COL23A1: variants seen among roughly 807,000 people sequenced by gnomAD.
COL23A1 encodes collagen alpha-1(XXIII) chain.
Under a neutral mutation model 99.3 loss-of-function variants are expected in COL23A1, and 97 were observed. The observed-to-expected ratio is 0.98, with a 90% CI of 0.83 to 1.16. COL23A1 has a LOEUF of 1.16. COL23A1 is among the 50% of genes most tolerant of loss of function. The probability of loss-of-function intolerance (pLI) is 0.00; values close to 1 mark genes in which losing one functional copy is unlikely to be tolerated. For synonymous variants in COL23A1, 320 were observed against 308.2 expected (o/e 1.04, Z -0.40); for missense variants, 762 against 757.4 (o/e 1.01, Z -0.07).
intron 2 of COL23A1, among the ~76,000 whole-genome samples, chr5:178,407,285 A>T (rs550014105): frequency 3.0e-4 from 45 of 152,310 alleles, no homozygotes; most frequent in African/African-American, 1.1e-3. Context: ...GAAAAGTTGG[A>T]CTTTCACCCT....
chr5:178,536,227 G>C (rs763083754), intron 2 of COL23A1, among the ~76,000 whole-genome samples: 6 of 152,228 alleles, frequency 3.9e-5, no homozygotes, highest in Non-Finnish European at 8.8e-5. Context: ...AGGGGTGCTC[G>C]GGGAGTGTGG....
chr5:178,528,898 C>T (rs890854880), intron 2 of COL23A1, among the ~76,000 whole-genome samples: 2 of 152,228 alleles, frequency 1.3e-5, no homozygotes, highest in East Asian at 1.9e-4. Flanking sequence ...GATTTCTGAT[C>T]CCAGAGTTCT....
chr5:178,371,101 AT>A lies in COL23A1; in HGVS notation c.362-64183del, dbSNP rs1159503162. Among the ~76,000 whole-genome samples the A allele has an allele frequency of 5.3e-5, 8 of 152,142 alleles. 1 individual carries two copies. Among genetic ancestry groups the A allele is most frequent in the Admixed American group, 5.2e-4 (8 of 15,286 alleles). On this transcript the variant is annotated intron_variant, in intron 2 of 28. Coordinates refer to ENST00000390654, the MANE Select transcript of COL23A1 (RefSeq NM_173465.4). Reference sequence around the variant, plus strand: ...CATGAGGTTGACGTCTCTCTCTGCCATGTAGACATGTATCAGAAACATCATG... The same window carrying A: ...CATGAGGTTGACGTCTCTCTCTGCCAGTAGACATGTATCAGAAACATCATG...
intron 2 of COL23A1, among the ~76,000 whole-genome samples, chr5:178,473,890 A>G (rs1196164114): frequency 6.6e-6 from 1 of 152,182 alleles, no homozygotes; most frequent in Non-Finnish European, 1.5e-5. Context: ...ACCAGACCAG[A>G]TTATGAATTT....
At chr5:178,535,712 C>T (rs939247838) in intron 2 of COL23A1, among the ~76,000 whole-genome samples, 2 of 152,264 alleles carry the variant, frequency 1.3e-5, no homozygotes, top group Non-Finnish European at 2.9e-5. Flanking sequence ...TGCATCCTGT[C>T]TGAAGGGCGC....
At chr5:178,573,276 A>G (rs1763195920) in intron 1 of COL23A1, among the ~76,000 whole-genome samples, 1 of 152,232 alleles carries the variant, frequency 6.6e-6, no homozygotes, top group Admixed American at 6.5e-5. Flanking sequence ...GGTGGGTGGT[A>G]GAGTGTGTGT....
intron 2 of COL23A1, among the ~76,000 whole-genome samples, chr5:178,520,194 T>G (rs1271684119): frequency 1.1e-4 from 17 of 152,094 alleles, no homozygotes; most frequent in Admixed American, 1.1e-3. Flanking sequence ...GAAGGATGGA[T>G]GGATGGCTGG....
chr5:178,482,786 C>T (rs958302254), intron 2 of COL23A1, among the ~76,000 whole-genome samples: 4 of 152,162 alleles, frequency 2.6e-5, no homozygotes, highest in African/African-American at 9.7e-5. Context: ...CCTGTAGTCC[C>T]AGCTATTCAG....
At chr5:178,277,097 G>C (rs1433199538) in intron 5 of COL23A1, among the ~76,000 whole-genome samples, 1 of 152,026 alleles carries the variant, frequency 6.6e-6, no homozygotes, top group Admixed American at 6.6e-5. Context: ...TGGGCATAAC[G>C]GCTCATGCCC....
chr5:178,542,994 G>A (rs1761375824), intron 2 of COL23A1, among the ~76,000 whole-genome samples: 1 of 152,200 alleles, frequency 6.6e-6, no homozygotes, highest in Admixed American at 6.5e-5. Flanking sequence ...GACATCCTAG[G>A]GCATGGGATT....
At position 178,360,475 on chromosome 5, in the gene COL23A1, G is replaced by C. The variant is rs561050160; in HGVS notation, c.362-53556C>G. Among the ~76,000 whole-genome samples, 225 of 152,234 alleles carry C rather than the reference G, an allele frequency of 1.5e-3. 1 individual carries two copies. Among genetic ancestry groups the C allele is most frequent in the Non-Finnish European group, 2.8e-3 (193 of 68,032 alleles). The stretch of plus-strand genomic sequence containing the variant: ...GGGAGCCAGGCTGGGCCTCATGTGG[G>C]GGGGGATGGAGGGCTGCAGTCGTGC... On this transcript the variant is annotated intron_variant, in intron 2 of 28. Transcript: ENST00000390654.
chr5:178,382,254 C>T (rs1201150775), intron 2 of COL23A1, among the ~76,000 whole-genome samples: 1 of 152,138 alleles, frequency 6.6e-6, no homozygotes, highest in African/African-American at 2.4e-5. Flanking sequence ...CTGATCATCA[C>T]CCACATTGCC....
At chr5:178,301,337 T>C (rs1464636034) in intron 3 of COL23A1, among the ~76,000 whole-genome samples, 8 of 152,248 alleles carry the variant, frequency 5.3e-5, no homozygotes, top group South Asian at 2.1e-4. Context: ...ATGATTCTCA[T>C]GCTTTCCTTT....
At chr5:178,250,611 T>C (rs1367126272) in intron 17 of COL23A1, among the ~76,000 whole-genome samples, 2 of 152,206 alleles carry the variant, frequency 1.3e-5, no homozygotes, top group Non-Finnish European at 2.9e-5. Context: ...TGTGTGCATA[T>C]AAAACATTCA....
At chr5:178,523,557 G>A (rs1249632782) in intron 2 of COL23A1, 1 of 152,006 alleles carries the variant, frequency 6.6e-6, no homozygotes, top group Non-Finnish European at 1.5e-5. Flanking sequence ...CACCTCCAAA[G>A]CTCTGCGCCT....
chr5:178,402,258 A>G (rs554989604), intron 2 of COL23A1, among the ~76,000 whole-genome samples: 11 of 152,150 alleles, frequency 7.2e-5, no homozygotes, highest in Non-Finnish European at 1.5e-4. Flanking sequence ...AGGGAGGCTG[A>G]GGTGGGAGAA....
intron 2 of COL23A1, among the ~76,000 whole-genome samples, chr5:178,369,751 C>CG (rs1183056170): frequency 6.6e-6 from 1 of 152,066 alleles, no homozygotes; most frequent in African/African-American, 2.4e-5. Context: ...TAAGGCCCCC[C>CG]CAGCCAGGTG....
At chr5:178,301,091 T>C (rs1209618696) in intron 3 of COL23A1, among the ~76,000 whole-genome samples, 1 of 152,156 alleles carries the variant, frequency 6.6e-6, no homozygotes, top group Non-Finnish European at 1.5e-5. Context: ...GATAGTGTCT[T>C]TGAGGCTCTG....
At chr5:178,249,730 T>A (rs1289527246) in intron 18 of COL23A1, among the ~76,000 whole-genome samples, 61 of 137,882 alleles carry the variant, frequency 4.4e-4, no homozygotes, top group East Asian at 4.4e-4. Flanking sequence ...TCTCTCTCTC[T>A]CTCTCTCTCT....
Sources: allele counts gnomAD v4.1 joint callset (sites outside exome capture counted in the v4.1 genomes callset), GRCh38; gene constraint gnomAD v4.1.1; transcripts MANE v1.5; gene names NCBI Gene and HGNC (gene_info 2026-07-23, HGNC 2026-07-21).